The following THSD7B variants were observed in gnomAD, a reference collection of about 807,000 sequenced individuals.
THSD7B encodes thrombospondin type-1 domain-containing protein 7B.
Under a neutral mutation model 213.6 loss-of-function variants are expected in THSD7B, and 138 were observed. The observed-to-expected ratio is 0.65, with a 90% CI of 0.56 to 0.74. The LOEUF is 0.74. Ranked by LOEUF, THSD7B falls within the 30% of genes least tolerant of loss-of-function variation. THSD7B has a pLI of 0.00. For synonymous variants in THSD7B, 742 were observed against 687.0 expected (o/e 1.08, Z -1.25); for missense variants, 1,931 against 1,991.5 (o/e 0.97, Z 0.58).
intron 2 of THSD7B, among the ~76,000 whole-genome samples, chr2:136,935,252 G>A (rs1684702392): frequency 6.6e-6 from 1 of 152,092 alleles, no homozygotes; most frequent in Non-Finnish European, 1.5e-5. Flanking sequence ...TGGCTTTTGA[G>A]TGAGACCCTT....
At chr2:137,660,550 G>A (rs1407627618) in intron 25 of THSD7B, among the ~76,000 whole-genome samples, 1 of 152,180 alleles carries the variant, frequency 6.6e-6, no homozygotes, top group Non-Finnish European at 1.5e-5. Flanking sequence ...AAGAGGGGAA[G>A]TTCAGGAACA....
At chr2:137,035,642 A>C (rs1686760885) in intron 2 of THSD7B, among the ~76,000 whole-genome samples, 1 of 152,040 alleles carries the variant, frequency 6.6e-6, no homozygotes, top group African/African-American at 2.4e-5. Context: ...TGAATGAATA[A>C]ATACACTGAT....
chr2:136,996,013 A>T (rs956009911), intron 2 of THSD7B, among the ~76,000 whole-genome samples: 7 of 152,126 alleles, frequency 4.6e-5, no homozygotes, highest in African/African-American at 1.7e-4. Flanking sequence ...AATCATCTTT[A>T]CTTTTTATTT....
chr2:137,585,095 A>G (rs916130780), intron 17 of THSD7B, among the ~76,000 whole-genome samples: 11 of 152,144 alleles, frequency 7.2e-5, no homozygotes, highest in African/African-American at 2.7e-4. Flanking sequence ...GAATTTACCC[A>G]TTTCTTCTAG....
At chr2:137,080,583 A>C (rs1180210671) in intron 3 of THSD7B, among the ~76,000 whole-genome samples, 1 of 151,948 alleles carries the variant, frequency 6.6e-6, no homozygotes, top group African/African-American at 2.4e-5. Flanking sequence ...AACTTTGTGT[A>C]GTGCCCTTAA....
At chr2:136,936,823 A>T (rs931530614) in intron 2 of THSD7B, among the ~76,000 whole-genome samples, 3 of 150,854 alleles carry the variant, frequency 2.0e-5, no homozygotes, top group Non-Finnish European at 2.9e-5. Context: ...TATGGAAATA[A>T]TTTTTTTTAA....
intron 12 of THSD7B, among the ~76,000 whole-genome samples, chr2:137,340,508 G>A (rs1010548357): frequency 6.6e-6 from 1 of 151,740 alleles, no homozygotes; most frequent in Admixed American, 6.6e-5. Flanking sequence ...TCACCATGCT[G>A]TGCAAAAGGT....
At chr2:136,919,467 A>G (rs1684399280) in intron 2 of THSD7B, among the ~76,000 whole-genome samples, 1 of 152,236 alleles carries the variant, frequency 6.6e-6, no homozygotes, top group African/African-American at 2.4e-5. Context: ...TTATAATGCC[A>G]GTTGCTTCTC....
chr2:137,654,898 C>T (rs537278428), intron 21 of THSD7B, among the ~76,000 whole-genome samples: 1 of 152,232 alleles, frequency 6.6e-6, no homozygotes, highest in East Asian at 1.9e-4. Context: ...AGGAGCCATC[C>T]AATTCTAAGC....
rs1168517435 is a variant in THSD7B, at chr2:137,534,365, AC to A, written c.3139-28854del. On this transcript the variant is annotated intron_variant, in intron 15 of 27. Coordinates refer to ENST00000409968, the MANE Select transcript of THSD7B (RefSeq NM_001316349.2). ...TGTGAATACAGGATAGTATTTTATG[AC>A]CAACCATAAGTTGCACTCAGAAAAG... Among the ~76,000 whole-genome samples the A allele has an allele frequency of 3.3e-5, 5 of 151,706 alleles. No homozygotes were observed. In the East Asian group the frequency reaches 9.7e-4, roughly 30 times the overall value.
intron 4 of THSD7B, among the ~76,000 whole-genome samples, chr2:137,114,491 T>A (rs569136986): frequency 1.3e-5 from 2 of 152,222 alleles, no homozygotes; most frequent in Non-Finnish European, 2.9e-5. Context: ...GGGAGACATA[T>A]TTCTATATCA....
intron 15 of THSD7B, among the ~76,000 whole-genome samples, chr2:137,473,710 T>G (rs1408889355): frequency 1.3e-5 from 2 of 152,232 alleles, no homozygotes; most frequent in Non-Finnish European, 1.5e-5. Context: ...TGCTTTTAAG[T>G]ACCAGCAGTT....
intron 14 of THSD7B, among the ~76,000 whole-genome samples, chr2:137,436,397 G>A (rs1458446187): frequency 3.9e-5 from 6 of 152,134 alleles, no homozygotes; most frequent in Non-Finnish European, 5.9e-5. Context: ...GAATTTGCAC[G>A]AGAATGCACA....
In THSD7B at chr2:137,411,865, C is replaced by A; in HGVS notation, c.2952C>A (p.Ser984Arg). 32 of 1,613,920 alleles carry A rather than the reference C, an allele frequency of 2.0e-5. No homozygotes were observed. Among genetic ancestry groups the A allele is most frequent in the Non-Finnish European group, 2.6e-5 (31 of 1,179,844 alleles). Residue 984 changes from serine (S) to arginine (R), a missense_variant, in exon 14 of 28, where the codon AGC becomes AGA. Transcript: ENST00000409968. ...NGRPVDPSFC[S>R]SSGYIQEKCV... ...GACCTGTTGACCCCTCCTTCTGCAG[C>A]AGCTCTGGTAAGGAGATGGATGGAG... is the stretch of plus-strand genomic sequence containing the variant.
At chr2:137,033,540 T>C (rs914539276) in intron 2 of THSD7B, among the ~76,000 whole-genome samples, 1 of 152,202 alleles carries the variant, frequency 6.6e-6, no homozygotes, top group Non-Finnish European at 1.5e-5. Flanking sequence ...AAAGTCATAT[T>C]GCAAAGAGAG....
chr2:137,338,642 A>C (rs1023943652), intron 12 of THSD7B, among the ~76,000 whole-genome samples: 4 of 152,126 alleles, frequency 2.6e-5, no homozygotes, highest in Non-Finnish European at 4.4e-5. Flanking sequence ...AAAACCAATA[A>C]AATTCAAATT....
intron 2 of THSD7B, among the ~76,000 whole-genome samples, chr2:137,033,763 C>G (rs1403224042): frequency 6.6e-6 from 1 of 151,996 alleles, no homozygotes; most frequent in East Asian, 1.9e-4. Flanking sequence ...CAGGTGCGCA[C>G]CATCACACCC....
chr2:137,212,684 G>C (rs7580199), intron 7 of THSD7B, among the ~76,000 whole-genome samples: 5,616 of 151,796 alleles, frequency 0.037, 371 homozygotes, highest in African/African-American at 0.13. Flanking sequence ...TTTTTTTCCT[G>C]TGACTTATAG....
At chr2:137,320,626 A>ATGGAATAATAAGTTTTATTGTATTTGC in intron 12 of THSD7B, among the ~76,000 whole-genome samples, 1 of 152,338 alleles carries the variant, frequency 6.6e-6, no homozygotes, top group Middle Eastern at 3.4e-3. Context: ...TCATATTTAA[A>ATGGAATAATAAGTTTTATTGTATTTGC]TGGAATAATA....
Sources: allele counts gnomAD v4.1 joint callset (sites outside exome capture counted in the v4.1 genomes callset), GRCh38; gene constraint gnomAD v4.1.1; transcripts MANE v1.5; gene names NCBI Gene and HGNC (gene_info 2026-07-23, HGNC 2026-07-21).